Variants in BAAT observed in about 807,000 individuals in gnomAD.
BAAT encodes bile acid CoA: amino acid N-acyltransferase (glycine N-choloyltransferase).
A neutral mutation model predicts 18.9 loss-of-function variants in BAAT; 13 were observed. The observed-to-expected ratio is 0.69, with a 90% CI of 0.45 to 1.10. The LOEUF is 1.10. Ranked by LOEUF, BAAT falls within the 50% of genes least tolerant of loss-of-function variation. The pLI, the probability that BAAT is intolerant of heterozygous loss-of-function variation, is 0.00. For synonymous variants in BAAT, 170 were observed against 190.7 expected, an observed-to-expected ratio of 0.89 and a Z score of 0.89; for missense variants, 489 against 504.0, an observed-to-expected ratio of 0.97 and a Z score of 0.28.
intron 1 of BAAT, among the ~76,000 whole-genome samples, chr9:101,379,372 A>G (rs530915627): frequency 6.6e-6 from 1 of 152,338 alleles, no homozygotes; most frequent in South Asian, 2.1e-4. Flanking sequence ...CCCAATTTAT[A>G]CAGCTATTGC....
At chr9:101,384,275 A>AAAGTAATGT (rs1293105424) in intron 1 of BAAT, among the ~76,000 whole-genome samples, 1 of 152,230 alleles carries the variant, frequency 6.6e-6, no homozygotes. Context: ...TATTCCTAAA[A>AAAGTAATGT]AAGTAATGTC....
rs1223532624 is a variant in BAAT at position 101,361,878 on chromosome 9, T to C, written c.*550A>G. 6.3e-6 allele frequency: 1 copy of C among 158,936 alleles called. No homozygotes were observed. The highest frequency in any genetic ancestry group is 2.4e-5 in the African/African-American group (1 of 41,472). The allele number at this position is 158,936 out of a possible 1,614,324, so 9.8% of individuals were successfully genotyped here. A position where few individuals can be genotyped will look rare whatever the true frequency, so the allele number is the denominator to read the frequency against. Reference sequence around the variant, plus strand: ...GGCATGTTTTTAAGAACTGAAGAGGTAATTTATTGCAATGAACTAACTGAC... The same window carrying C: ...GGCATGTTTTTAAGAACTGAAGAGGCAATTTATTGCAATGAACTAACTGAC... On this transcript the variant is annotated 3_prime_UTR_variant, in exon 4 of 4. Coordinates refer to ENST00000259407, the MANE Select transcript of BAAT (RefSeq NM_001701.4).
intron 3 of BAAT, among the ~76,000 whole-genome samples, chr9:101,366,973 A>G (rs7848855): frequency 0.18 from 27,173 of 151,740 alleles, 2,866 homozygotes; most frequent in African/African-American, 0.28. Flanking sequence ...TTAGCCAGGT[A>G]TGGTGGCACG....
At position 101,362,465 on chromosome 9, in the gene BAAT, C is replaced by A; in HGVS notation, c.1220G>T (p.Arg407Met). 3 of 1,614,086 alleles carry A rather than the reference C, an allele frequency of 1.9e-6. No individual in the cohort carries two copies. The highest frequency in any genetic ancestry group is 1.6e-4 in the Middle Eastern group (1 of 6,062). The change falls in exon 4 of 4, where the codon AGG becomes ATG. Residue 407 changes from arginine (R) to methionine (M), a missense_variant. Arg to Met is a moderately conservative substitution (Grantham distance 91, BLOSUM62 -1). Coordinates refer to ENST00000259407, the MANE Select transcript of BAAT (RefSeq NM_001701.4). ...HAWKEIQRFL[R>M]KHLIPDVTSQ... The stretch of plus-strand genomic sequence containing the variant: ...GGTCACATCTGGAATGAGGTGCTTC[C>A]TGAGAAATCTCTGGATCTCCTTCCA...
rs568238049 is a variant in BAAT, at chr9:101,371,247, T to C, written c.158A>G (p.Asn53Ser). The C allele has an allele frequency of 1.8e-5, 29 of 1,613,200 alleles. No homozygotes were observed. The highest frequency in any genetic ancestry group is 1.7e-4 in the Middle Eastern group (1 of 6,054). ...MFYSQAHYRANEFGEVDLNHA... is the reference protein window; with the variant it reads ...MFYSQAHYRASEFGEVDLNHA... ...ATTCAGGTCCACCTCACCGAATTCATTGGCCCTATAGTGGGCTTGAGAATA... is the reference window on the plus strand; with the variant it reads ...ATTCAGGTCCACCTCACCGAATTCACTGGCCCTATAGTGGGCTTGAGAATA... Residue 53 changes from asparagine to serine, a missense_variant, in exon 2 of 4, where the codon AAT (asparagine) becomes AGT (serine). Coordinates refer to ENST00000259407, the MANE Select transcript of BAAT (RefSeq NM_001701.4).
At chr9:101,366,327 A>G (rs1265243673) in intron 3 of BAAT, among the ~76,000 whole-genome samples, 1 of 152,228 alleles carries the variant, frequency 6.6e-6, no homozygotes, top group Non-Finnish European at 1.5e-5. Context: ...AACTCTTGTT[A>G]CAACTTCTAC....
intron 1 of BAAT, among the ~76,000 whole-genome samples, chr9:101,379,542 G>A (rs1337053308): frequency 6.6e-6 from 1 of 152,160 alleles, no homozygotes; most frequent in African/African-American, 2.4e-5. Context: ...AGCATAATGA[G>A]ACTAAAATTC....
chr9:101,363,133 C>A, intron 3 of BAAT, 118 bp from the exon 4 acceptor site: 1 of 931,526 alleles, frequency 1.1e-6, no homozygotes, highest in Non-Finnish European at 1.7e-6. Context: ...TTAATCCTAC[C>A]CACATCCCTA....
rs1829728329 is a variant in BAAT, at chr9:101,361,762, T to C, written c.*666A>G. 1 of 152,696 alleles carries C rather than the reference T, an allele frequency of 6.5e-6. No homozygotes were observed. Among genetic ancestry groups the C allele is most frequent in the African/African-American group, 2.4e-5 (1 of 41,458 alleles). 9.5% of individuals were successfully genotyped at this position (152,696 alleles called of 1,614,324 possible). ...GGGGCATTTTCAACCTAATTGGTTC[T>C]ATTTTCTTGTATTTTCCATTTTAAT... On this transcript the variant is annotated 3_prime_UTR_variant, in exon 4 of 4. Coordinates refer to ENST00000259407, the MANE Select transcript of BAAT (RefSeq NM_001701.4).
In BAAT at chr9:101,371,228, G is replaced by T. The variant is rs1829935752; in HGVS notation, c.177C>A (p.Asp59Glu). 2 of 1,613,312 alleles carry T rather than the reference G, an allele frequency of 1.2e-6. No individual in the cohort carries two copies. Among genetic ancestry groups the T allele is most frequent in the Admixed American group, 3.3e-5 (2 of 59,950 alleles). Residue 59 changes from aspartate (D) to glutamate (E), a missense_variant, in exon 2 of 4, where the codon GAC (aspartate) becomes GAA (glutamate). Asp to Glu is a conservative substitution (Grantham distance 45). Coordinates refer to ENST00000259407, the MANE Select transcript of BAAT (RefSeq NM_001701.4). ...HYRANEFGEV[D>E]LNHASSLGGD... ...CTCCAAGTGAAGAAGCATGATTCAG[G>T]TCCACCTCACCGAATTCATTGGCCC...
At chr9:101,372,842 G>A (rs1000908164) in intron 1 of BAAT, among the ~76,000 whole-genome samples, 1 of 152,088 alleles carries the variant, frequency 6.6e-6, no homozygotes, top group Non-Finnish European at 1.5e-5. Flanking sequence ...AAAATTTAAT[G>A]TACTTTTAAT....
rs1829979696 is a variant in BAAT, at chr9:101,372,932, TTTCCGTAGAGC to T, written c.-59-1480_-59-1470del. Among the ~76,000 whole-genome samples the T allele has an allele frequency of 2.6e-5, 4 of 152,148 alleles. No individual in the cohort carries two copies. In the South Asian group the frequency reaches 8.3e-4, roughly 32 times the overall value. On this transcript the variant is annotated intron_variant, in intron 1 of 3. Transcript: ENST00000259407. ...AGTAAGTCTTTCTCTATCTGCCAAC[TTTCCGTAGAGC>T]TTCACCATGTGCTCAGACCGAGATC... is the stretch of plus-strand genomic sequence containing the variant.
intron 1 of BAAT, among the ~76,000 whole-genome samples, chr9:101,380,875 C>G (rs970932254): frequency 2.0e-4 from 30 of 152,100 alleles, no homozygotes; most frequent in Non-Finnish European, 4.0e-4. Flanking sequence ...GCCTCAGCCT[C>G]CCGAGTAGCT....
intron 1 of BAAT, among the ~76,000 whole-genome samples, chr9:101,377,657 T>C (rs968590537): frequency 6.6e-6 from 1 of 152,188 alleles, no homozygotes; most frequent in African/African-American, 2.4e-5. Context: ...TCATAATGAA[T>C]GGGCAAACCT....
chr9:101,373,688 C>T (rs995416070), intron 1 of BAAT, among the ~76,000 whole-genome samples: 4 of 152,188 alleles, frequency 2.6e-5, no homozygotes, highest in African/African-American at 9.6e-5. Flanking sequence ...AATGACTAAA[C>T]CTGTAACTTA....
In BAAT at chr9:101,371,269, A is replaced by G. The variant is rs745463730; in HGVS notation, c.136T>C (p.Ser46Pro). The G allele has an allele frequency of 1.9e-5, 31 of 1,613,068 alleles. No homozygotes were observed. In the Admixed American group the frequency reaches 3.2e-4, roughly 16 times the overall value. ...LEDENGDMFY[S>P]QAHYRANEFG... The stretch of plus-strand genomic sequence containing the variant: ...TCATTGGCCCTATAGTGGGCTTGAG[A>G]ATAAAACATGTCTCCGTTTTCATCT... Residue 46 changes from serine to proline, a missense_variant, in exon 2 of 4, where the codon TCT (serine) becomes CCT (proline). Ser to Pro is a moderately conservative substitution (Grantham distance 74). Transcript: ENST00000259407.
chr9:101,374,836 T>A (rs1375710088), intron 1 of BAAT, among the ~76,000 whole-genome samples: 1 of 152,028 alleles, frequency 6.6e-6, no homozygotes, highest in Non-Finnish European at 1.5e-5. Context: ...ATACCTGCTT[T>A]ATTTAAAAAA....
intron 1 of BAAT, chr9:101,383,375 C>T (rs79237187): frequency 6.6e-6 from 1 of 152,316 alleles, no homozygotes; most frequent in East Asian, 1.9e-4. Context: ...ATTCCAAACA[C>T]TGAGGTAAAT....
intron 3 of BAAT, among the ~76,000 whole-genome samples, chr9:101,366,191 T>G (rs1829823739): frequency 6.6e-6 from 1 of 151,934 alleles, no homozygotes; most frequent in Non-Finnish European, 1.5e-5. Flanking sequence ...TAAGGAAAGA[T>G]GGGAACTCAG....
Sources: allele counts gnomAD v4.1 joint callset (sites outside exome capture counted in the v4.1 genomes callset), GRCh38; gene constraint gnomAD v4.1.1; transcripts MANE v1.5; gene names NCBI Gene and HGNC (gene_info 2026-07-23, HGNC 2026-07-21).